The following RNF150 variants were observed in gnomAD, a reference collection of about 807,000 sequenced individuals.
The protein encoded by RNF150 is ring finger protein 150.
RNF150 carries 24 observed loss-of-function variants against 39.3 expected under a neutral mutation model. The observed-to-expected ratio is 0.61, with a 90% CI of 0.44 to 0.86. The LOEUF (loss-of-function observed/expected upper bound fraction) is 0.86, where lower values mean the gene tolerates loss of function less well. RNF150 is among the 40% of genes least tolerant of loss of function. The pLI, the probability that RNF150 is intolerant of heterozygous loss-of-function variation, is 0.00. For synonymous variants in RNF150, 255 were observed against 227.3 expected, an observed-to-expected ratio of 1.12 and a Z score of -1.10; for missense variants, 502 against 587.8, an observed-to-expected ratio of 0.85 and a Z score of 1.51.
intron 1 of RNF150, among the ~76,000 whole-genome samples, chr4:141,152,108 T>G (rs917896592): frequency 8.5e-5 from 13 of 152,174 alleles, no homozygotes; most frequent in African/African-American, 1.2e-4. Flanking sequence ...TCAAGCAATC[T>G]GGGAAATTGT....
At chr4:140,873,549 A>G (rs1002607751) in intron 6 of RNF150, among the ~76,000 whole-genome samples, 28 of 152,172 alleles carry the variant, frequency 1.8e-4, no homozygotes, top group Non-Finnish European at 4.0e-4. Flanking sequence ...AGGAAAAGAG[A>G]GACTATAGTA....
At chr4:140,898,278 C>T (rs1730034534) in intron 6 of RNF150, among the ~76,000 whole-genome samples, 1 of 36,128 alleles carries the variant, frequency 2.8e-5, no homozygotes, top group Non-Finnish European at 9.8e-5. Context: ...ATGATGCACA[C>T]ATTTTTTTTT....
chr4:140,949,033 G>A (rs1404377416), intron 3 of RNF150, among the ~76,000 whole-genome samples: 1 of 152,060 alleles, frequency 6.6e-6, no homozygotes, highest in Non-Finnish European at 1.5e-5. Flanking sequence ...TAATCCATTT[G>A]TGTACTAATT....
rs1402727106 is a variant in RNF150, at chr4:141,133,176, G to C, written c.-368C>G. On this transcript the variant is annotated 5_prime_UTR_variant, in exon 1 of 7. Coordinates refer to ENST00000515673, the MANE Select transcript of RNF150 (RefSeq NM_020724.2). ...GGGGCCCACGAACTTGCAGGGTGGCGGCCCTGCGCCCTCCAGCCCCGGCGG... is the reference window on the plus strand; with the variant it reads ...GGGGCCCACGAACTTGCAGGGTGGCCGCCCTGCGCCCTCCAGCCCCGGCGG... 1 of 250,352 alleles carries C rather than the reference G, an allele frequency of 4.0e-6. No homozygotes were observed. The highest frequency in any genetic ancestry group is 7.6e-6 in the Non-Finnish European group (1 of 130,926). The allele number at this position is 250,352 out of a possible 1,614,324, so 15.5% of individuals were successfully genotyped here. A position where few individuals can be genotyped will look rare whatever the true frequency, so the allele number is the denominator to read the frequency against.
In RNF150 at chr4:140,867,126, C is replaced by A. The variant is rs72933153; in HGVS notation, c.*1135G>T. 260 of 152,324 alleles carry A rather than the reference C, an allele frequency of 1.7e-3. No homozygotes were observed. Among genetic ancestry groups the A allele is most frequent in the African/African-American group, 5.9e-3 (246 of 41,582 alleles). The allele number at this position is 152,324 out of a possible 1,614,324, so 9.4% of individuals were successfully genotyped here. ...CACTCAGGGAGCCCTGGGAAGCAAT[C>A]TGCTAGGGATTCACCTAAATCCTCC... On this transcript the variant is annotated 3_prime_UTR_variant, in exon 7 of 7. Transcript: ENST00000515673.
intron 1 of RNF150, among the ~76,000 whole-genome samples, chr4:141,209,257 A>C (rs1728422796): frequency 6.6e-6 from 1 of 152,002 alleles, no homozygotes; most frequent in Non-Finnish European, 1.5e-5. Context: ...TATTTACTAC[A>C]TGCAAAATAG....
chr4:140,921,422 A>G (rs1420124715), intron 5 of RNF150, among the ~76,000 whole-genome samples: 1 of 152,180 alleles, frequency 6.6e-6, no homozygotes, highest in Admixed American at 6.5e-5. Flanking sequence ...AAGCAGGAAG[A>G]AGTTGAATCT....
At chr4:140,927,447 A>C (rs1731441178) in intron 4 of RNF150, among the ~76,000 whole-genome samples, 2 of 151,968 alleles carry the variant, frequency 1.3e-5, no homozygotes, top group Non-Finnish European at 2.9e-5. Flanking sequence ...GTGATTTCTC[A>C]TGAGATCTGG....
intron 1 of RNF150, among the ~76,000 whole-genome samples, chr4:141,053,952 CT>C (rs1736875075): frequency 6.6e-6 from 1 of 152,158 alleles, no homozygotes; most frequent in Middle Eastern, 3.4e-3. Context: ...TTTGGCTATA[CT>C]TTTTTTCTTC....
chr4:141,212,229 A>G (rs138716318), intron 1 of RNF150, among the ~76,000 whole-genome samples: 62 of 152,326 alleles, frequency 4.1e-4, no homozygotes, highest in African/African-American at 1.3e-3. Context: ...CCGGGTAGCA[A>G]CAAAAGGAAC....
At chr4:140,893,081 A>G (rs185858096) in intron 6 of RNF150, among the ~76,000 whole-genome samples, 99 of 152,186 alleles carry the variant, frequency 6.5e-4, no homozygotes, top group African/African-American at 2.0e-3. Flanking sequence ...AGAAAAAAAA[A>G]GGTCTGAGGG....
chr4:140,959,227 C>T (rs1732914651), intron 2 of RNF150, among the ~76,000 whole-genome samples: 1 of 152,190 alleles, frequency 6.6e-6, no homozygotes, highest in African/African-American at 2.4e-5. Flanking sequence ...AAACCCTACT[C>T]ACTTTTATGT....
intron 1 of RNF150, among the ~76,000 whole-genome samples, chr4:141,175,722 A>G (rs1727798270): frequency 6.6e-6 from 1 of 152,234 alleles, no homozygotes; most frequent in African/African-American, 2.4e-5. Flanking sequence ...CTTATAAACA[A>G]CAGAAATCTA....
At chr4:141,012,990 C>T (rs896013134) in intron 1 of RNF150, among the ~76,000 whole-genome samples, 17 of 152,066 alleles carry the variant, frequency 1.1e-4, no homozygotes, top group Non-Finnish European at 1.6e-4. Context: ...ACCATTGGCC[C>T]TTCTCTGAAT....
intron 6 of RNF150, among the ~76,000 whole-genome samples, chr4:140,889,446 C>T (rs1025107532): frequency 1.3e-5 from 2 of 152,048 alleles, no homozygotes; most frequent in African/African-American, 4.8e-5. Context: ...CAAGTCATTA[C>T]TTTATGTGAT....
At position 140,867,837 on chromosome 4, in the gene RNF150, C is replaced by T. The variant is rs1022895861; in HGVS notation, c.*424G>A. On this transcript the variant is annotated 3_prime_UTR_variant, in exon 7 of 7. Coordinates refer to ENST00000515673, the MANE Select transcript of RNF150 (RefSeq NM_020724.2). ...AAGCTGGAGTGCATCAAAGGAAAAA[C>T]AAAGGAATAGATGGAAAGTAAACTA... 6.4e-6 allele frequency: 1 copy of T among 156,042 alleles called. No homozygotes were observed. Among genetic ancestry groups the T allele is most frequent in the African/African-American group, 2.4e-5 (1 of 41,472 alleles). The allele number at this position is 156,042 out of a possible 1,614,324, so 9.7% of individuals were successfully genotyped here.
chr4:140,916,497 A>AAAG (rs1730836474), intron 5 of RNF150, among the ~76,000 whole-genome samples: 1 of 151,664 alleles, frequency 6.6e-6, no homozygotes. Flanking sequence ...TTTAGAGAAA[A>AAAG]AATAAAAAGA....
At chr4:140,913,121 T>A (rs1730679208) in intron 5 of RNF150, among the ~76,000 whole-genome samples, 1 of 151,870 alleles carries the variant, frequency 6.6e-6, no homozygotes, top group Non-Finnish European at 1.5e-5. Flanking sequence ...ATTAGCCAGG[T>A]GTGGTGGTGC....
At chr4:141,028,597 G>C (rs1000063212) in intron 1 of RNF150, among the ~76,000 whole-genome samples, 3 of 152,186 alleles carry the variant, frequency 2.0e-5, no homozygotes, top group African/African-American at 7.2e-5. Flanking sequence ...GAAAGCATCA[G>C]TGTAGTATGT....
Sources: gnomAD v4.1 joint callset for allele counts (sites outside exome capture counted in the v4.1 genomes callset) on GRCh38, gnomAD v4.1.1 for gene constraint, MANE v1.5 for transcripts, NCBI Gene and HGNC (gene_info 2026-07-23, HGNC 2026-07-21) for gene names.